FIG4: variants seen among roughly 807,000 people sequenced by gnomAD.
FIG4 encodes FIG4 phosphoinositide 5-phosphatase.
Under a neutral mutation model 118.6 loss-of-function variants are expected in FIG4, and 112 were observed. That is an observed-to-expected ratio of 0.94 (90% confidence interval 0.81 to 1.11). The LOEUF (loss-of-function observed/expected upper bound fraction) is 1.11. Ranked by LOEUF, FIG4 falls within the 50% of genes least tolerant of loss-of-function variation. The pLI is 0.00. For missense variants in FIG4, 969 were observed against 1,111.7 expected (o/e 0.87, Z 1.83); for synonymous variants, 369 against 381.2 (o/e 0.97, Z 0.37).
chr6:109,742,588 A>G lies in FIG4; in HGVS notation c.877-522A>G, dbSNP rs1029296473. On this transcript the variant is annotated intron_variant, in intron 8 of 22. Coordinates refer to ENST00000230124, the MANE Select transcript of FIG4 (RefSeq NM_014845.6). ...TTTGCAGCTATATTATTTACTTTTG[A>G]ATATTCAAAGGATAATCAGACATGT... is the stretch of plus-strand genomic sequence containing the variant. 3.0e-4 allele frequency among the ~76,000 whole-genome samples: 46 copies of G among 152,160 alleles called. 1 individual carries two copies. Among genetic ancestry groups the G allele is most frequent in the Admixed American group, 2.8e-3 (42 of 15,240 alleles).
At chr6:109,807,883 G>GT (rs748399907) in intron 22 of FIG4, among the ~76,000 whole-genome samples, 18 of 152,046 alleles carry the variant, frequency 1.2e-4, no homozygotes, top group Non-Finnish European at 1.8e-4. Flanking sequence ...CCCATTGCTT[G>GT]TTTTGTCAGA....
At chr6:109,782,397 TC>T (rs767963586) in intron 16 of FIG4, among the ~76,000 whole-genome samples, 9 of 152,226 alleles carry the variant, frequency 5.9e-5, no homozygotes, top group Non-Finnish European at 1.2e-4. Flanking sequence ...AGACTTGGAA[TC>T]TTTTAAAAGT....
At chr6:109,772,652 C>T (rs559987922) in intron 15 of FIG4, among the ~76,000 whole-genome samples, 12 of 152,134 alleles carry the variant, frequency 7.9e-5, no homozygotes, top group African/African-American at 2.9e-4. Context: ...AGGGTTTCTC[C>T]ATGTTGGTCA....
Position 109,796,777 on chromosome 6 carries a change from G to A in FIG4, c.2472G>A (p.Leu824=). 1 of 1,607,908 alleles carries A rather than the reference G, an allele frequency of 6.2e-7. No homozygotes were observed. Among genetic ancestry groups the A allele is most frequent in the East Asian group, 2.2e-5 (1 of 44,838 alleles). Residue 824 remains leucine, a synonymous_variant, in exon 22 of 23, where the codon CTG becomes CTA. Coordinates refer to ENST00000230124, the MANE Select transcript of FIG4 (RefSeq NM_014845.6). The part of the protein sequence containing the change: ...DFSIYSRFVQ[L]GQSQHKQDKN... ...TTGTAATTTGTAGATTTGTTCAGCT[G>A]GGGCAGAGTCAACATAAACAAGACA...
At chr6:109,770,691 G>A (rs987417068) in intron 15 of FIG4, among the ~76,000 whole-genome samples, 1 of 152,052 alleles carries the variant, frequency 6.6e-6, no homozygotes, top group Admixed American at 6.5e-5. Flanking sequence ...ATGGCAAGGG[G>A]TGAGGGGAAG....
intron 21 of FIG4, among the ~76,000 whole-genome samples, chr6:109,795,094 A>ATTTTTT (rs1562688787): frequency 1.3e-5 from 1 of 77,190 alleles, no homozygotes; most frequent in Non-Finnish European, 2.9e-5. Flanking sequence ...TACACTTGCC[A>ATTTTTT]GTTTTTTTTT....
intron 6 of FIG4, among the ~76,000 whole-genome samples, chr6:109,738,010 T>G (rs947621375): frequency 6.6e-6 from 1 of 152,168 alleles, no homozygotes; most frequent in Non-Finnish European, 1.5e-5. Flanking sequence ...CCTCTTGACT[T>G]TATTTATATA....
intron 17 of FIG4, chr6:109,785,618 C>T: frequency 4.3e-6 from 2 of 466,032 alleles, no homozygotes; most frequent in African/African-American, 4.0e-5. Flanking sequence ...TTAGTTCTGG[C>T]TTTGTTACTA....
chr6:109,779,069 A>C (rs1252448214), intron 16 of FIG4, among the ~76,000 whole-genome samples: 2 of 152,124 alleles, frequency 1.3e-5, no homozygotes, highest in African/African-American at 4.8e-5. Flanking sequence ...TAATTTTTAC[A>C]TTAAATTTAT....
At position 109,743,714 on chromosome 6, in the gene FIG4, A is replaced by G; in HGVS notation, c.1079A>G (p.His360Arg). ...ADPFAHVAAL[H>R]FDQMFQRFGS... ...CCATTTGCACATGTGGCTGCCCTTC[A>G]CTTTGACCAGATGTTCCAGAGGTTT... Residue 360 changes from histidine (H) to arginine (R), a missense_variant, in exon 10 of 23, where the codon CAC becomes CGC. Physicochemically the swap from His to Arg is conservative, Grantham distance 29. Transcript: ENST00000230124. 6.2e-7 allele frequency: 1 copy of G among 1,612,898 alleles called. No individual in the cohort carries two copies. The highest frequency in any genetic ancestry group is 2.2e-5 in the East Asian group (1 of 44,844).
chr6:109,738,440 C>G lies in FIG4; in HGVS notation c.762C>G (p.Phe254Leu). The G allele has an allele frequency of 6.2e-7, 1 of 1,612,528 alleles. No individual in the cohort carries two copies. The highest frequency in any genetic ancestry group is 8.5e-7 in the Non-Finnish European group (1 of 1,178,966). Residue 254 changes from phenylalanine to leucine, a missense_variant, in exon 7 of 23, where the codon TTC becomes TTG. By Grantham distance (22) the Phe-to-Leu change is conservative. This residue lies in a region of FIG4 where 393 missense variants were observed against 409.4 expected (regional missense o/e 0.96). Coordinates refer to ENST00000230124, the MANE Select transcript of FIG4 (RefSeq NM_014845.6). Reference sequence around the variant, plus strand: ...GGCTTTTGTATATTATTCATGGGTTCTGTGGGCAGTCAAGTATCCTTTCTG... The same window carrying G: ...GGCTTTTGTATATTATTCATGGGTTGTGTGGGCAGTCAAGTATCCTTTCTG... ...RDWLLYIIHG[F>L]CGQSKLLIYG...
At chr6:109,740,480 GT>G (rs1440047211) in intron 7 of FIG4, among the ~76,000 whole-genome samples, 2 of 152,028 alleles carry the variant, frequency 1.3e-5, no homozygotes, top group Non-Finnish European at 2.9e-5. Context: ...ACCACCTTTG[GT>G]TACTTTACTG....
chr6:109,768,557 G>C (rs1469676438), intron 15 of FIG4, among the ~76,000 whole-genome samples: 1 of 151,988 alleles, frequency 6.6e-6, no homozygotes, highest in Non-Finnish European at 1.5e-5. Flanking sequence ...CCCTGCTTAG[G>C]GTCTCTCAAG....
intron 12 of FIG4, 24 bp from the exon 13 acceptor site, chr6:109,763,913 A>C (rs754461343): frequency 6.4e-7 from 1 of 1,574,172 alleles, no homozygotes; most frequent in East Asian, 2.2e-5. Context: ...TAAGTTTTTT[A>C]AAAGTGTTTA....
Position 109,732,673 on chromosome 6 carries a change from C to A in FIG4, c.483C>A (p.Ser161Arg). The change falls in exon 5 of 23, where the codon AGC becomes AGA. Residue 161 changes from serine (S) to arginine (R), a missense_variant. This residue lies in a region of FIG4 where 393 missense variants were observed against 409.4 expected (regional missense o/e 0.96). Coordinates refer to ENST00000230124, the MANE Select transcript of FIG4 (RefSeq NM_014845.6). ...LRIFQNVDLS[S>R]NFYFSYSYDL... ...TATTTCAAAATGTGGACCTATCTAG[C>A]AATTTTTACTTTAGGTAAGTGTGAG... The A allele has an allele frequency of 6.5e-7, 1 of 1,530,086 alleles. No individual in the cohort carries two copies. 94.8% of individuals were successfully genotyped at this position (1,530,086 alleles called of 1,614,324 possible).
rs748137608 is a variant in FIG4, at chr6:109,763,983, G to C, written c.1434+1G>C. 2 of 1,581,992 alleles carry C rather than the reference G, an allele frequency of 1.3e-6. No individual in the cohort carries two copies. The highest frequency in any genetic ancestry group is 1.7e-6 in the Non-Finnish European group (2 of 1,150,632). ...TGTGATTCCCACTGGTCGCCTGCAG[G>C]TATACACAGTATTACAATTCGTAAT... On this transcript the variant is annotated splice_donor_variant, in intron 13 of 22. Transcript: ENST00000230124. LOFTEE classifies it high-confidence loss of function.
At chr6:109,799,832 A>G (rs1046034634) in intron 22 of FIG4, among the ~76,000 whole-genome samples, 3 of 152,128 alleles carry the variant, frequency 2.0e-5, no homozygotes, top group African/African-American at 7.2e-5. Context: ...TAAACCCCAA[A>G]CTGGTCAATG....
chr6:109,723,644 C>A (rs1323996599), intron 3 of FIG4, among the ~76,000 whole-genome samples: 2 of 152,196 alleles, frequency 1.3e-5, no homozygotes, highest in African/African-American at 4.8e-5. Context: ...CTGCATGATT[C>A]TATTTTTTGG....
intron 16 of FIG4, among the ~76,000 whole-genome samples, chr6:109,780,423 G>C (rs548243350): frequency 1.3e-5 from 2 of 152,130 alleles, no homozygotes; most frequent in South Asian, 4.1e-4. Context: ...ATGTTGCCCA[G>C]GCTGGCCTCC....
Sources: allele counts gnomAD v4.1 joint callset (sites outside exome capture counted in the v4.1 genomes callset), GRCh38; gene constraint gnomAD v4.1.1; regional missense constraint gnomAD v4.1.1; transcripts MANE v1.5; gene names NCBI Gene and HGNC (gene_info 2026-07-23, HGNC 2026-07-21).